NMD3: variants seen among roughly 807,000 people sequenced by gnomAD.
The protein encoded by NMD3 is NMD3 ribosome export adaptor.
In NMD3, 47 loss-of-function variants were observed where a neutral mutation model predicts 73.1. The observed-to-expected ratio is 0.64, with a 90% CI of 0.51 to 0.82. NMD3 has a LOEUF of 0.82. NMD3 is among the 40% of genes least tolerant of loss of function. The probability of loss-of-function intolerance (pLI) is 0.00; values close to 1 mark genes in which losing one functional copy is unlikely to be tolerated. For missense variants in NMD3, 554 were observed against 612.5 expected, an observed-to-expected ratio of 0.90 and a Z score of 1.01; for synonymous variants, 210 against 194.5, an observed-to-expected ratio of 1.08 and a Z score of -0.66.
At chr3:161,241,253 T>TA (rs1215116063) in intron 10 of NMD3, 90 bp downstream of exon 10, 11 of 807,836 alleles carry the variant, frequency 1.4e-5, no homozygotes, top group Admixed American at 4.5e-5. Context: ...GCATTCTTGC[T>TA]AATATTGTTT....
At chr3:161,248,725 T>C (rs1264528497) in intron 13 of NMD3, among the ~76,000 whole-genome samples, 1 of 152,088 alleles carries the variant, frequency 6.6e-6, no homozygotes, top group Non-Finnish European at 1.5e-5. Context: ...CATGATGAGG[T>C]TAAGAATCAT....
chr3:161,242,672 G>A lies in NMD3; in HGVS notation c.1017+19G>A. Reference sequence around the variant, plus strand: ...AAAAAAGGTAAGCTACATCCTGCCTGCCAGTGTATTTTTTTTTCCCCTCAG... The same window carrying A: ...AAAAAAGGTAAGCTACATCCTGCCTACCAGTGTATTTTTTTTTCCCCTCAG... On this transcript the variant is annotated intron_variant, in intron 11 of 15. Transcript: ENST00000351193. 1 of 1,594,888 alleles carries A rather than the reference G, an allele frequency of 6.3e-7. No homozygotes were observed. Among genetic ancestry groups the A allele is most frequent in the Non-Finnish European group, 8.5e-7 (1 of 1,170,528 alleles).
Position 161,240,127 on chromosome 3 carries a change from T to C in NMD3, c.754-919T>C, listed in dbSNP as rs145551189. Among the ~76,000 whole-genome samples, 26 of 152,362 alleles carry C rather than the reference T, an allele frequency of 1.7e-4. No homozygotes were observed. In the East Asian group the frequency reaches 5.0e-3, roughly 29 times the overall value. Reference sequence around the variant, plus strand: ...ATTTGTTTATCTTTGGAAACTCATGTATTAAAAACCAAGGACTGAACTAAG... The same window carrying C: ...ATTTGTTTATCTTTGGAAACTCATGCATTAAAAACCAAGGACTGAACTAAG... On this transcript the variant is annotated intron_variant, in intron 9 of 15. Coordinates refer to ENST00000351193, the MANE Select transcript of NMD3 (RefSeq NM_015938.5).
chr3:161,238,721 TC>T lies in NMD3; in HGVS notation c.657-8del, dbSNP rs1284460816. On this transcript the variant is annotated splice_region_variant and splice_polypyrimidine_tract_variant and intron_variant, in intron 8 of 15. Coordinates refer to ENST00000351193, the MANE Select transcript of NMD3 (RefSeq NM_015938.5). Reference sequence around the variant, plus strand: ...GTCTTTATATTACTACTAACTTTTTTCTTAATAGATACAAAGCATCACAAAG... The same window carrying T: ...GTCTTTATATTACTACTAACTTTTTTTTAATAGATACAAAGCATCACAAAG... The T allele has an allele frequency of 2.9e-6, 4 of 1,358,178 alleles. No homozygotes were observed. The highest frequency in any genetic ancestry group is 4.2e-6 in the Non-Finnish European group (4 of 949,996). 84.1% of individuals were successfully genotyped at this position (1,358,178 alleles called of 1,614,324 possible).
chr3:161,237,353 A>G (rs531070837), intron 7 of NMD3, among the ~76,000 whole-genome samples: 7 of 152,036 alleles, frequency 4.6e-5, no homozygotes, highest in South Asian at 4.1e-4. Flanking sequence ...AATTGTTACT[A>G]TTTTTTGTCA....
chr3:161,250,734 C>T (rs776116648), intron 15 of NMD3, 46 bp from the exon 16 acceptor site: 57 of 1,164,116 alleles, frequency 4.9e-5, no homozygotes, highest in Non-Finnish European at 6.3e-5. Flanking sequence ...ACTTTGTATA[C>T]ATATAAATAC....
Position 161,228,823 on chromosome 3 carries a change from C to T in NMD3, c.276+1480C>T, listed in dbSNP as rs557595595. ...TGTGGAGCAGCATGTTAGTATGCAG[C>T]GATCAAAATAGGTGGATATATTACA... On this transcript the variant is annotated intron_variant, in intron 4 of 15. Transcript: ENST00000351193. Among the ~76,000 whole-genome samples, 33 of 152,082 alleles carry T rather than the reference C, an allele frequency of 2.2e-4. 1 individual carries two copies. The highest frequency in any genetic ancestry group is 8.0e-4 in the African/African-American group (33 of 41,476).
In NMD3 at chr3:161,251,739, A is replaced by G. The variant is rs1737493996; in HGVS notation, c.*829A>G. ...ATAAGTTTCTGTCATTGAACAGATC[A>G]CCATTAAAAAGAATATTAGAATCCA... On this transcript the variant is annotated 3_prime_UTR_variant, in exon 16 of 16. Transcript: ENST00000351193. The G allele has an allele frequency of 6.6e-6, 1 of 152,204 alleles. No individual in the cohort carries two copies. The highest frequency in any genetic ancestry group is 2.1e-4 in the South Asian group (1 of 4,832). The allele number at this position is 152,204 out of a possible 1,614,324, so 9.4% of individuals were successfully genotyped here.
At chr3:161,223,153 A>G (rs1736177044) in intron 2 of NMD3, 1 of 152,208 alleles carries the variant, frequency 6.6e-6, no homozygotes, top group Non-Finnish European at 1.5e-5. Flanking sequence ...TCCAGGTGGT[A>G]CCGCTGGCTC....
At chr3:161,248,861 C>A (rs1576860835) in intron 13 of NMD3, among the ~76,000 whole-genome samples, 2 of 152,120 alleles carry the variant, frequency 1.3e-5, no homozygotes, top group Non-Finnish European at 2.9e-5. Context: ...AGGACTCCGA[C>A]CACCTGCCCA....
intron 10 of NMD3, among the ~76,000 whole-genome samples, 167 bp downstream of exon 10, chr3:161,241,330 T>C (rs1736977401): frequency 6.6e-6 from 1 of 152,202 alleles, no homozygotes; most frequent in Non-Finnish European, 1.5e-5. Flanking sequence ...AAGCTTTGAT[T>C]AGTTACTTTT....
At chr3:161,223,326 G>A (rs1736181775) in intron 2 of NMD3, among the ~76,000 whole-genome samples, 1 of 152,082 alleles carries the variant, frequency 6.6e-6, no homozygotes, top group South Asian at 2.1e-4. Context: ...TTTTATTTTG[G>A]ACAATGTTGT....
At chr3:161,229,464 C>T (rs550673819) in intron 4 of NMD3, among the ~76,000 whole-genome samples, 2 of 152,200 alleles carry the variant, frequency 1.3e-5, no homozygotes, top group African/African-American at 2.4e-5. Flanking sequence ...TTCCACTGTT[C>T]GTGACCTGAG....
intron 1 of NMD3, chr3:161,221,716 G>A: frequency 3.8e-6 from 1 of 262,028 alleles, no homozygotes; most frequent in Non-Finnish European, 7.3e-6. Context: ...GTCCAGGGTT[G>A]GAGCCCAGGT....
At chr3:161,247,785 G>A (rs1480498381) in intron 13 of NMD3, among the ~76,000 whole-genome samples, 1 of 107,904 alleles carries the variant, frequency 9.3e-6, no homozygotes. Context: ...ACAAAACTCA[G>A]TCTCAAAAAA....
rs532424563 is a variant in NMD3, at chr3:161,251,798, A to G, written c.*888A>G. 4.6e-5 allele frequency: 7 copies of G among 152,366 alleles called. No individual in the cohort carries two copies. In the South Asian group the frequency reaches 1.4e-3, roughly 32 times the overall value. 9.4% of individuals were successfully genotyped at this position (152,366 alleles called of 1,614,324 possible). ...ATAATGGCTAATAAAAATGAGGTACATACTTTATAAAACCATTAATCAGAT... is the reference window on the plus strand; with the variant it reads ...ATAATGGCTAATAAAAATGAGGTACGTACTTTATAAAACCATTAATCAGAT... On this transcript the variant is annotated 3_prime_UTR_variant, in exon 16 of 16. Coordinates refer to ENST00000351193, the MANE Select transcript of NMD3 (RefSeq NM_015938.5).
intron 2 of NMD3, 66 bp downstream of exon 2, chr3:161,222,123 T>A: frequency 1.5e-6 from 2 of 1,300,968 alleles, no homozygotes; most frequent in Non-Finnish European, 2.2e-6. Flanking sequence ...GGAAACTCAC[T>A]ATGGAGAACG....
chr3:161,242,716 C>T, intron 11 of NMD3, 63 bp downstream of exon 11: 3 of 1,496,040 alleles, frequency 2.0e-6, no homozygotes, highest in South Asian at 2.7e-5. Flanking sequence ...GTTTCAGTCC[C>T]TCTTTTAAAA....
Position 161,246,445 on chromosome 3 carries a change from T to A in NMD3, c.1127T>A (p.Leu376Ter). ...CTTCTAAATCCCGGAGACCTGGTGT[T>A]AGGGTTTGTATTATTTCATATTTTA... ...GHLLNPGDLV[L>*]GFDLANCNLN... The change falls in exon 12 of 16, where the codon TTA becomes TAA. Residue 376 changes from leucine to a stop codon, truncating the protein, a stop_gained. Transcript: ENST00000351193. LOFTEE classifies it high-confidence loss of function. 1 of 1,400,512 alleles carries A rather than the reference T, an allele frequency of 7.1e-7. No homozygotes were observed. Among genetic ancestry groups the A allele is most frequent in the South Asian group, 1.4e-5 (1 of 71,334 alleles). The allele number at this position is 1,400,512 out of a possible 1,614,324, so 86.8% of individuals were successfully genotyped here.
Sources: allele counts gnomAD v4.1 joint callset (sites outside exome capture counted in the v4.1 genomes callset), GRCh38; gene constraint gnomAD v4.1.1; transcripts MANE v1.5; gene names NCBI Gene and HGNC (gene_info 2026-07-23, HGNC 2026-07-21).